KANK1: variants seen among roughly 807,000 people sequenced by gnomAD.
KANK1 encodes the protein KN motif and ankyrin repeat domain-containing protein 1.
Under a neutral mutation model 106.2 loss-of-function variants are expected in KANK1, and 109 were observed. That is an observed-to-expected ratio of 1.03 (90% CI 0.88 to 1.20). The LOEUF is 1.20. KANK1 is among the 50% of genes most tolerant of loss of function. The pLI is 0.00. For synonymous variants in KANK1, 873 were observed against 652.2 expected, an observed-to-expected ratio of 1.34 and a Z score of -5.16; for missense variants, 2,399 against 1,710.7, an observed-to-expected ratio of 1.40 and a Z score of -7.10.
At chr9:597,771 C>T (rs1030720494) in intron 1 of KANK1, among the ~76,000 whole-genome samples, 1 of 151,546 alleles carries the variant, frequency 6.6e-6, no homozygotes, top group East Asian at 1.9e-4. Context: ...TCAAGTGATT[C>T]TCCTGCCTCA....
chr9:513,732 A>G (rs58598003), intron 1 of KANK1, among the ~76,000 whole-genome samples: 24,673 of 152,098 alleles, frequency 0.16, 3,653 homozygotes, highest in African/African-American at 0.4. Context: ...TGACCTTGGG[A>G]AAAAATAGAA....
intron 1 of KANK1, among the ~76,000 whole-genome samples, chr9:564,554 G>T (rs1004327427): frequency 6.6e-6 from 1 of 152,204 alleles, no homozygotes; most frequent in Non-Finnish European, 1.5e-5. Flanking sequence ...TAGTTGCAAT[G>T]TTGAGAGATG....
At chr9:690,962 C>T (rs769585773) in intron 2 of KANK1, among the ~76,000 whole-genome samples, 9 of 152,186 alleles carry the variant, frequency 5.9e-5, no homozygotes, top group Non-Finnish European at 1.2e-4. Flanking sequence ...TTCATCTTCC[C>T]ACATCTTACT....
In KANK1 at chr9:671,705, C is replaced by A. The variant is rs1815171823; in HGVS notation, c.-83-5185C>A. Among the ~76,000 whole-genome samples the A allele has an allele frequency of 2.0e-5, 3 of 151,158 alleles. No individual in the cohort carries two copies. The Middle Eastern group carries it at 0.01, about 514-fold the overall frequency. ...CTTCAGGCTCTTAAATGTGTTACTC[C>A]AAGGAATAAGGTTGCAAATACAGTT... On this transcript the variant is annotated intron_variant, in intron 1 of 11. Transcript: ENST00000382297.
intron 1 of KANK1, among the ~76,000 whole-genome samples, chr9:648,161 G>A (rs983972390): frequency 6.8e-6 from 1 of 147,252 alleles, no homozygotes; most frequent in Admixed American, 6.6e-5. Context: ...ACACCACCAC[G>A]CCTGGGTAAT....
chr9:703,247 C>G (rs1011809596), intron 2 of KANK1, among the ~76,000 whole-genome samples: 2 of 152,166 alleles, frequency 1.3e-5, no homozygotes, highest in Non-Finnish European at 2.9e-5. Context: ...CCACCCTGGC[C>G]TCCCAAAGTG....
At chr9:576,262 G>A (rs1325922828) in intron 1 of KANK1, among the ~76,000 whole-genome samples, 1 of 152,192 alleles carries the variant, frequency 6.6e-6, no homozygotes, top group African/African-American at 2.4e-5. Flanking sequence ...AATTTTATGA[G>A]TTTAAATGCT....
At chr9:535,249 C>T (rs750870285) in intron 1 of KANK1, among the ~76,000 whole-genome samples, 9 of 152,168 alleles carry the variant, frequency 5.9e-5, no homozygotes, top group Non-Finnish European at 1.0e-4. Flanking sequence ...CCATTAGGTC[C>T]CCAAACCTTG....
chr9:601,520 G>A (rs953789139), intron 1 of KANK1, among the ~76,000 whole-genome samples: 2 of 151,354 alleles, frequency 1.3e-5, no homozygotes, highest in Admixed American at 6.6e-5. Context: ...GCTTTTTTTT[G>A]TTTTGAAAGA....
intron 1 of KANK1, among the ~76,000 whole-genome samples, chr9:528,942 G>A (rs2059931956): frequency 6.6e-6 from 1 of 151,988 alleles, no homozygotes; most frequent in Non-Finnish European, 1.5e-5. Context: ...TGGGACTACA[G>A]GTGCATACCA....
At position 588,291 on chromosome 9, in the gene KANK1, C is replaced by T. The variant is rs72689652; in HGVS notation, c.-84+83537C>T. 4.8e-3 allele frequency among the ~76,000 whole-genome samples: 723 copies of T among 152,180 alleles called. 10 individuals carry two copies. Among genetic ancestry groups the T allele is most frequent in the African/African-American group, 0.016 (681 of 41,524 alleles). On this transcript the variant is annotated intron_variant, in intron 1 of 11. Coordinates refer to ENST00000382297, the MANE Select transcript of KANK1 (RefSeq NM_015158.5). Reference sequence around the variant, plus strand: ...TATGGAAATGTAATGGTTTCTCTATCCCATCTCCTTTTATTAGACATTTAT... The same window carrying T: ...TATGGAAATGTAATGGTTTCTCTATTCCATCTCCTTTTATTAGACATTTAT...
chr9:545,796 A>T (rs987937851), intron 1 of KANK1, among the ~76,000 whole-genome samples: 2 of 132,450 alleles, frequency 1.5e-5, no homozygotes, highest in Non-Finnish European at 3.1e-5. Flanking sequence ...CCCAGGATGG[A>T]GCGCAGTGAC....
At chr9:660,798 G>T (rs73639394) in intron 1 of KANK1, among the ~76,000 whole-genome samples, 39,256 of 151,980 alleles carry the variant, frequency 0.26, 6,880 homozygotes, top group East Asian at 0.55. Flanking sequence ...AGATCCCCTG[G>T]TGTCTATAAC....
At chr9:697,889 G>A (rs1449859955) in intron 2 of KANK1, among the ~76,000 whole-genome samples, 3 of 152,160 alleles carry the variant, frequency 2.0e-5, no homozygotes, top group Non-Finnish European at 4.4e-5. Context: ...TAGGCGGAGG[G>A]TGTTATCTGA....
chr9:685,935 T>G (rs1355116242), intron 2 of KANK1, among the ~76,000 whole-genome samples: 6 of 152,200 alleles, frequency 3.9e-5, no homozygotes, highest in African/African-American at 1.4e-4. Context: ...ACTGAGTGCC[T>G]TTTCCATTTG....
rs75977991 is a variant in KANK1 at position 663,484 on chromosome 9, C to T, written c.-83-13406C>T. 7.3e-3 allele frequency among the ~76,000 whole-genome samples: 1,108 copies of T among 152,250 alleles called. 24 individuals carry two copies. The highest frequency in any genetic ancestry group is 0.025 in the African/African-American group (1,029 of 41,538). On this transcript the variant is annotated intron_variant, in intron 1 of 11. Coordinates refer to ENST00000382297, the MANE Select transcript of KANK1 (RefSeq NM_015158.5). The stretch of plus-strand genomic sequence containing the variant: ...CTATACCGAGTCATAAAATTATTTT[C>T]CTCCCAAGTCAGGAAGAAACATAAA...
Position 738,321 on chromosome 9 carries a change from C to G in KANK1, c.3370C>G (p.Arg1124Gly). Reference sequence around the variant, plus strand: ...GAACACCCTCCAGCACGAGTGGTTCCGCGTGTCCAGTCAGAAGTCAGCCAT... The same window carrying G: ...GAACACCCTCCAGCACGAGTGGTTCGGCGTGTCCAGTCAGAAGTCAGCCAT... The part of the protein sequence containing the change: ...CLNTLQHEWF[R>G]VSSQKSAIPA... The change falls in exon 8 of 12, where the codon CGC becomes GGC. Residue 1124 changes from arginine to glycine, a missense_variant. Physicochemically the swap from Arg to Gly is moderately radical, Grantham distance 125. Transcript: ENST00000382297. 6.2e-7 allele frequency: 1 copy of G among 1,613,898 alleles called. No individual in the cohort carries two copies. The highest frequency in any genetic ancestry group is 8.5e-7 in the Non-Finnish European group (1 of 1,179,954).
At position 609,430 on chromosome 9, in the gene KANK1, C is replaced by T. The variant is rs367883055; in HGVS notation, c.-83-67460C>T. Among the ~76,000 whole-genome samples the T allele has an allele frequency of 8.5e-4, 129 of 152,234 alleles. 1 individual carries two copies. The highest frequency in any genetic ancestry group is 3.0e-3 in the African/African-American group (125 of 41,528). ...ATCACCTGAGGTCAGGAGTTCAAAA[C>T]CAGCCTGGCCAACATGGTGAAACCC... On this transcript the variant is annotated intron_variant, in intron 1 of 11. Coordinates refer to ENST00000382297, the MANE Select transcript of KANK1 (RefSeq NM_015158.5).
chr9:577,323 G>T (rs1028705331), intron 1 of KANK1, among the ~76,000 whole-genome samples: 1 of 152,052 alleles, frequency 6.6e-6, no homozygotes, highest in African/African-American at 2.4e-5. Context: ...GCTGATTGGT[G>T]TGTTATTACA....
Sources: gnomAD v4.1 joint callset for allele counts (sites outside exome capture counted in the v4.1 genomes callset) on GRCh38, gnomAD v4.1.1 for gene constraint, MANE v1.5 for transcripts, NCBI Gene and HGNC (gene_info 2026-07-23, HGNC 2026-07-21) for gene names.